Variants in FRMD4A observed in about 807,000 individuals in gnomAD.
The protein encoded by FRMD4A is FERM domain-containing protein 4A.
Under a neutral mutation model 129.1 loss-of-function variants are expected in FRMD4A, and 29 were observed. The ratio of observed to expected loss-of-function variants is 0.22; its 90% CI spans 0.17 to 0.31. The LOEUF is 0.31. Among genes scored for constraint, FRMD4A ranks in the 10% least tolerant of loss-of-function variants. The pLI is 1.00. For missense variants in FRMD4A, 1,272 were observed against 1,375.8 expected, an observed-to-expected ratio of 0.92 and a Z score of 1.19; for synonymous variants, 634 against 571.6, an observed-to-expected ratio of 1.11 and a Z score of -1.56.
At chr10:13,792,151 G>A (rs532806475) in intron 5 of FRMD4A, among the ~76,000 whole-genome samples, 1 of 152,290 alleles carries the variant, frequency 6.6e-6, no homozygotes, top group East Asian at 1.9e-4. Context: ...GTTGGGTAGT[G>A]CTGGAACCAG....
At chr10:13,966,417 C>G (rs2095485693) in intron 2 of FRMD4A, among the ~76,000 whole-genome samples, 1 of 152,164 alleles carries the variant, frequency 6.6e-6, no homozygotes, top group South Asian at 2.1e-4. Context: ...ATTACTTTTG[C>G]ACTAACCTAA....
At chr10:13,762,703 G>T (rs549388026) in intron 6 of FRMD4A, 23 bp from the exon 7 acceptor site, 4 of 1,552,374 alleles carry the variant, frequency 2.6e-6, no homozygotes, top group South Asian at 2.2e-5. Context: ...AGCAACAAAC[G>T]AAGACAAGTT....
rs145629735 is a variant in FRMD4A, at chr10:13,656,228, C to T, written c.2953+408G>A. ...GCTTGACCCAAGCCCATCCCCAACCCAGCTTCCTTTGCAAGCTACAGCTGT... is the reference window on the plus strand; with the variant it reads ...GCTTGACCCAAGCCCATCCCCAACCTAGCTTCCTTTGCAAGCTACAGCTGT... On this transcript the variant is annotated intron_variant, in intron 22 of 24. Coordinates refer to ENST00000357447, the MANE Select transcript of FRMD4A (RefSeq NM_018027.5). Among the ~76,000 whole-genome samples, 394 of 152,348 alleles carry T rather than the reference C, an allele frequency of 2.6e-3. 4 individuals are homozygous for T. The highest frequency in any genetic ancestry group is 0.01 in the Middle Eastern group (3 of 294).
intron 12 of FRMD4A, among the ~76,000 whole-genome samples, chr10:13,731,956 G>A (rs1588469339): frequency 1.3e-5 from 2 of 152,252 alleles, no homozygotes; most frequent in Admixed American, 1.3e-4. Context: ...CACGTGTTCA[G>A]CTGTTCCTGA....
At chr10:13,687,576 G>T (rs2085211944) in intron 15 of FRMD4A, among the ~76,000 whole-genome samples, 1 of 152,092 alleles carries the variant, frequency 6.6e-6, no homozygotes, top group Non-Finnish European at 1.5e-5. Context: ...TTTTTTAAAA[G>T]ACCCTGAACA....
At chr10:13,858,450 C>CA (rs1267811582) in intron 3 of FRMD4A, among the ~76,000 whole-genome samples, 3 of 152,040 alleles carry the variant, frequency 2.0e-5, no homozygotes, top group South Asian at 2.1e-4. Flanking sequence ...CAAAACAAAA[C>CA]AAAAAAACAA....
At chr10:14,235,360 G>C (rs1426986544) in intron 2 of FRMD4A, among the ~76,000 whole-genome samples, 1 of 150,456 alleles carries the variant, frequency 6.6e-6, no homozygotes, top group African/African-American at 2.4e-5. Context: ...ATGTTAGCCA[G>C]TATGGTCTCG....
chr10:13,930,966 G>A (rs1225498461), intron 2 of FRMD4A, among the ~76,000 whole-genome samples: 6 of 151,990 alleles, frequency 3.9e-5, no homozygotes, highest in Admixed American at 3.9e-4. Context: ...CTGTGTAGCT[G>A]GGACTACAGG....
chr10:14,050,553 T>C (rs1834209209), intron 2 of FRMD4A, among the ~76,000 whole-genome samples: 1 of 152,078 alleles, frequency 6.6e-6, no homozygotes, highest in African/African-American at 2.4e-5. Context: ...TAAGGGAGGC[T>C]CCAGGTAGCT....
chr10:13,807,636 A>C (rs939612606), intron 4 of FRMD4A, among the ~76,000 whole-genome samples: 1 of 152,174 alleles, frequency 6.6e-6, no homozygotes, highest in African/African-American at 2.4e-5. Flanking sequence ...CAACTTATGG[A>C]GTGAGAGAAG....
intron 2 of FRMD4A, among the ~76,000 whole-genome samples, chr10:14,014,706 C>T (rs903286125): frequency 2.6e-5 from 4 of 152,236 alleles, no homozygotes; most frequent in African/African-American, 9.6e-5. Context: ...CCAGACCTCA[C>T]ATGCCCAGGG....
intron 2 of FRMD4A, among the ~76,000 whole-genome samples, chr10:14,283,640 T>G (rs1845591400): frequency 6.6e-6 from 1 of 152,192 alleles, no homozygotes; most frequent in Non-Finnish European, 1.5e-5. Flanking sequence ...ACTCATCACC[T>G]CATAATTACA....
At chr10:13,661,746 G>A (rs566930245) in intron 19 of FRMD4A, among the ~76,000 whole-genome samples, 6 of 152,232 alleles carry the variant, frequency 3.9e-5, no homozygotes, top group Non-Finnish European at 7.4e-5. Flanking sequence ...AGGAGGGAAC[G>A]ATTCAGGCTT....
At chr10:13,865,098 C>G (rs531968332) in intron 2 of FRMD4A, among the ~76,000 whole-genome samples, 1 of 152,154 alleles carries the variant, frequency 6.6e-6, no homozygotes, top group African/African-American at 2.4e-5. Flanking sequence ...CCTTGGCCTC[C>G]CAGACAAGCA....
intron 2 of FRMD4A, among the ~76,000 whole-genome samples, chr10:14,121,747 A>G (rs1049708860): frequency 6.6e-6 from 1 of 152,022 alleles, no homozygotes; most frequent in Non-Finnish European, 1.5e-5. Flanking sequence ...CATTCCAGGG[A>G]CTCCTTGCTG....
intron 2 of FRMD4A, among the ~76,000 whole-genome samples, chr10:14,230,956 A>G (rs899626143): frequency 9.2e-5 from 14 of 152,150 alleles, no homozygotes; most frequent in African/African-American, 3.4e-4. Flanking sequence ...GCTGCAAAGA[A>G]CGTGATTTTG....
chr10:14,043,408 C>A (rs1833861591), intron 2 of FRMD4A, among the ~76,000 whole-genome samples: 1 of 152,194 alleles, frequency 6.6e-6, no homozygotes, highest in Non-Finnish European at 1.5e-5. Context: ...GATTTATCCA[C>A]AAATTTTTTT....
At chr10:13,650,954 A>G (rs1433198133) in intron 24 of FRMD4A, 1 of 152,224 alleles carries the variant, frequency 6.6e-6, no homozygotes, top group Non-Finnish European at 1.5e-5. Context: ...TCTAAGTCTT[A>G]GAGCACTTAA....
At chr10:13,668,455 C>G (rs1050300387) in intron 17 of FRMD4A, 22 of 152,334 alleles carry the variant, frequency 1.4e-4, no homozygotes, top group African/African-American at 5.3e-4. Context: ...CAAATGTCTG[C>G]CTGTTATATG....
Sources: allele counts gnomAD v4.1 joint callset (sites outside exome capture counted in the v4.1 genomes callset), GRCh38; gene constraint gnomAD v4.1.1; transcripts MANE v1.5; gene names NCBI Gene and HGNC (gene_info 2026-07-23, HGNC 2026-07-21).